The following CENPI variants were observed in gnomAD, a reference collection of about 807,000 sequenced individuals.
CENPI encodes the protein FSH primary response 1.
Under a neutral mutation model 60.4 loss-of-function variants are expected in CENPI, and 4 were observed. That is an observed-to-expected ratio of 0.07 (90% confidence interval 0.03 to 0.15). The LOEUF is 0.15. CENPI is among the 10% of genes least tolerant of loss of function. The pLI is 1.00. For synonymous variants in CENPI, 157 were observed against 189.4 expected (o/e 0.83, Z 1.40); for missense variants, 444 against 534.5 (o/e 0.83, Z 1.67).
intron 12 of CENPI, 150 bp from the exon 13 acceptor site, chrX:101,129,832 G>GA (rs1287027213): frequency 4.8e-6 from 2 of 418,315 alleles, no homozygotes; most frequent in African/African-American, 2.5e-5. Context: ...ATCTCCATGT[G>GA]ACTGTTCCAG....
At chrX:101,115,149 A>C (rs912710645) in intron 6 of CENPI, among the ~76,000 whole-genome samples, 5 of 109,448 alleles carry the variant, frequency 4.6e-5, no homozygotes, top group Admixed American at 9.8e-5. Context: ...TTTTTAGTAG[A>C]GATGGGGTTT....
chrX:101,136,116 T>G (rs986091293), intron 15 of CENPI, among the ~76,000 whole-genome samples: 3 of 112,599 alleles, frequency 2.7e-5, no homozygotes, highest in African/African-American at 9.7e-5. Flanking sequence ...GGGCTTATAT[T>G]CTGTTCCACA....
chrX:101,139,248 C>A (rs2148217417), intron 15 of CENPI, among the ~76,000 whole-genome samples: 1 of 105,510 alleles, frequency 9.5e-6, no homozygotes, highest in East Asian at 3.0e-4. Context: ...GCACGTGCCA[C>A]CACGCCTGGC....
intron 20 of CENPI, among the ~76,000 whole-genome samples, chrX:101,158,691 CATG>C (rs1322378286): frequency 9.3e-6 from 1 of 107,314 alleles, no homozygotes; most frequent in Non-Finnish European, 1.9e-5. Context: ...AGTGCAGTGG[CATG>C]ATGTCAGCTC....
intron 15 of CENPI, 39 bp downstream of exon 15, chrX:101,132,495 A>G: frequency 8.7e-6 from 9 of 1,035,438 alleles, no homozygotes; most frequent in Non-Finnish European, 1.2e-5. Context: ...AATAGGATGT[A>G]TTATTCTATT....
intron 8 of CENPI, among the ~76,000 whole-genome samples, chrX:101,125,272 C>T (rs2089722830): frequency 9.0e-6 from 1 of 111,725 alleles, no homozygotes; most frequent in Admixed American, 9.6e-5. Flanking sequence ...ATCTATTCTG[C>T]TAACTTGGTT....
At chrX:101,154,675 T>C (rs2090037332) in intron 20 of CENPI, among the ~76,000 whole-genome samples, 1 of 112,107 alleles carries the variant, frequency 8.9e-6, no homozygotes, top group Admixed American at 9.6e-5. Flanking sequence ...GCCATCTTAA[T>C]AATATTAAGT....
intron 8 of CENPI, among the ~76,000 whole-genome samples, chrX:101,123,200 A>G (rs1418739615): frequency 1.8e-5 from 2 of 112,483 alleles, no homozygotes; most frequent in Non-Finnish European, 3.8e-5. Context: ...AGTAACAGGC[A>G]TAGTCAACAT....
chrX:101,115,638 A>G (rs746899086), intron 6 of CENPI, among the ~76,000 whole-genome samples: 1 of 111,733 alleles, frequency 8.9e-6, no homozygotes, highest in East Asian at 2.8e-4. Flanking sequence ...TGCTGGAATT[A>G]TAGATGTGAG....
At chrX:101,173,117 G>T in the CENPI span, among the ~76,000 whole-genome samples, 1 of 98,988 alleles carries the variant, frequency 1.0e-5, no homozygotes, top group Admixed American at 1.2e-4. Flanking sequence ...CCGGGTTCAA[G>T]CGATTCTCCT....
At chrX:101,152,724 TG>T (rs2090019087) in intron 20 of CENPI, among the ~76,000 whole-genome samples, 1 of 111,413 alleles carries the variant, frequency 9.0e-6, no homozygotes, top group Admixed American at 9.7e-5. Context: ...CTTAGCATAA[TG>T]TTTTCAACAT....
At chrX:101,144,087 CTTTTT>C (rs58858609) in intron 16 of CENPI, among the ~76,000 whole-genome samples, 1 of 79,649 alleles carries the variant, frequency 1.3e-5, no homozygotes, top group African/African-American at 5.2e-5. Context: ...TTTTCTTTTT[CTTTTT>C]TTTTTTTTTT....
chrX:101,113,062 T>C (rs1244947296), intron 6 of CENPI, among the ~76,000 whole-genome samples: 1 of 109,976 alleles, frequency 9.1e-6, no homozygotes, highest in Non-Finnish European at 1.9e-5. Context: ...TTTTCGTACC[T>C]ACTTAACATG....
chrX:101,175,251 G>A, the CENPI span, among the ~76,000 whole-genome samples: 2 of 112,410 alleles, frequency 1.8e-5, no homozygotes, highest in African/African-American at 6.5e-5. Flanking sequence ...TCTTAGCAAT[G>A]TTTAGAATCC....
the CENPI span, among the ~76,000 whole-genome samples, chrX:101,178,398 C>CTTCTTTTTTTTTTTTTTTTTT: frequency 6.3e-4 from 25 of 39,980 alleles, 1 homozygote; most frequent in Non-Finnish European, 9.1e-4. Flanking sequence ...TTTTCTTCTT[C>CTTCTTTTTTTTTTTTTTTTTT]TTTTTTTTTT....
At chrX:101,174,167 A>C in the CENPI span, among the ~76,000 whole-genome samples, 1 of 112,465 alleles carries the variant, frequency 8.9e-6, no homozygotes, top group Non-Finnish European at 1.9e-5. Context: ...TAGTTCACCC[A>C]GTGTGGAAAT....
chrX:101,102,431 T>G lies in CENPI; in HGVS notation c.364+20T>G, dbSNP rs1182640924. 8.9e-7 allele frequency: 1 copy of G among 1,124,149 alleles called. No individual in the cohort carries two copies. Among genetic ancestry groups the G allele is most frequent in the East Asian group, 3.1e-5 (1 of 32,445 alleles). 92.6% of individuals were successfully genotyped at this position (1,124,149 alleles called of 1,213,427 possible). ...AATTTGGTATGTTGAGGAAATGCTT[T>G]TTTTTTCTTTTAACTCACCTAGCAC... On this transcript the variant is annotated intron_variant, in intron 4 of 21. Transcript: ENST00000682095.
chrX:101,126,905 G>A (rs2089741906), intron 9 of CENPI, 107 bp downstream of exon 9: 15 of 764,282 alleles, frequency 2.0e-5, no homozygotes, highest in Non-Finnish European at 2.7e-5. Flanking sequence ...CTGTTTTACT[G>A]TCTAGTATTG....
chrX:101,118,441 TTC>T (rs1168835542), intron 6 of CENPI, among the ~76,000 whole-genome samples: 2 of 112,118 alleles, frequency 1.8e-5, no homozygotes, highest in African/African-American at 3.2e-5. Context: ...TACAAATGAA[TTC>T]TGTGTTTAAA....
Sources: allele counts gnomAD v4.1 joint callset (sites outside exome capture counted in the v4.1 genomes callset), GRCh38; gene constraint gnomAD v4.1.1; transcripts MANE v1.5; gene names NCBI Gene and HGNC (gene_info 2026-07-23, HGNC 2026-07-21).